ZFHX3: variants seen among roughly 807,000 people sequenced by gnomAD.
The protein encoded by ZFHX3 is zinc finger homeobox protein 3.
A neutral mutation model predicts 279.1 loss-of-function variants in ZFHX3; 42 were observed. The observed-to-expected ratio is 0.15, with a 90% CI of 0.12 to 0.19. The LOEUF is 0.19. Ranked by LOEUF, ZFHX3 falls within the 10% of genes least tolerant of loss-of-function variation. The probability of loss-of-function intolerance (pLI) is 1.00; values close to 1 mark genes in which losing one functional copy is unlikely to be tolerated. For synonymous variants in ZFHX3, 2,293 were observed against 1,957.8 expected, an observed-to-expected ratio of 1.17 and a Z score of -4.52; for missense variants, 4,981 against 4,754.0, an observed-to-expected ratio of 1.05 and a Z score of -1.40.
intron 4 of ZFHX3, among the ~76,000 whole-genome samples, chr16:72,845,261 A>C (rs1597302796): frequency 6.6e-6 from 1 of 150,590 alleles, no homozygotes; most frequent in African/African-American, 2.4e-5. Context: ...AAACACTGGA[A>C]CCCCCTCCCC....
chr16:73,148,008 C>G (rs1189645082), intron 5 of ZFHX3, among the ~76,000 whole-genome samples: 2 of 152,248 alleles, frequency 1.3e-5, no homozygotes, highest in African/African-American at 4.8e-5. Context: ...GCAAACTCTA[C>G]TTGACCACAG....
intron 5 of ZFHX3, among the ~76,000 whole-genome samples, chr16:73,146,086 T>G (rs1966861553): frequency 1.3e-5 from 2 of 152,116 alleles, no homozygotes; most frequent in African/African-American, 4.8e-5. Flanking sequence ...CAAGATAGTA[T>G]GAATTTAAGA....
chr16:73,871,287 T>A (rs1296072670), intron 1 of ZFHX3, among the ~76,000 whole-genome samples: 1 of 152,182 alleles, frequency 6.6e-6, no homozygotes, highest in Non-Finnish European at 1.5e-5. Context: ...AAAGCTGTCA[T>A]CCACACTGAA....
chr16:73,019,016 C>T (rs1419647492), intron 1 of ZFHX3, among the ~76,000 whole-genome samples: 1 of 152,210 alleles, frequency 6.6e-6, no homozygotes, highest in Non-Finnish European at 1.5e-5. Context: ...TGTCACATCC[C>T]TCGATGCATC....
intron 2 of ZFHX3, among the ~76,000 whole-genome samples, chr16:73,582,923 G>A (rs1470611682): frequency 6.7e-6 from 1 of 149,654 alleles, no homozygotes; most frequent in African/African-American, 2.6e-5. Flanking sequence ...TAACAACCTT[G>A]TGAAGCTCTG....
At chr16:72,899,398 G>A (rs987723079) in intron 3 of ZFHX3, among the ~76,000 whole-genome samples, 1 of 152,152 alleles carries the variant, frequency 6.6e-6, no homozygotes, top group Non-Finnish European at 1.5e-5. Context: ...ATGTGAAAAA[G>A]GACATGTTTG....
chr16:72,889,487 TAA>T (rs372928371), intron 4 of ZFHX3, among the ~76,000 whole-genome samples: 19,337 of 115,672 alleles, frequency 0.17, 1,706 homozygotes, highest in Non-Finnish European at 0.24. Context: ...CAATTTCCTT[TAA>T]AAAAAAAAAA....
intron 1 of ZFHX3, among the ~76,000 whole-genome samples, chr16:73,747,586 A>G (rs975014786): frequency 8.5e-5 from 13 of 152,110 alleles, no homozygotes; most frequent in African/African-American, 3.1e-4. Context: ...TGGATTTAAC[A>G]ACAACAACAA....
upstream of ZFHX3, among the ~76,000 whole-genome samples, chr16:73,048,709 G>T (rs1369041882): frequency 6.6e-6 from 1 of 152,234 alleles, no homozygotes; most frequent in Non-Finnish European, 1.5e-5. Context: ...AGCCAATGTG[G>T]ACAGGAATTT....
chr16:73,395,810 G>A (rs185801608), intron 3 of ZFHX3, among the ~76,000 whole-genome samples: 2 of 152,012 alleles, frequency 1.3e-5, no homozygotes, highest in Non-Finnish European at 2.9e-5. Flanking sequence ...CCCAGGGATG[G>A]TATACAAGTC....
intron 3 of ZFHX3, among the ~76,000 whole-genome samples, chr16:72,926,770 C>T (rs531606434): frequency 1.3e-3 from 196 of 152,320 alleles, no homozygotes; most frequent in African/African-American, 4.4e-3. Flanking sequence ...GCCTCTCCTA[C>T]ACAAAGCAGA....
intron 5 of ZFHX3, among the ~76,000 whole-genome samples, chr16:73,198,985 A>G (rs112115825): frequency 5.3e-5 from 8 of 152,364 alleles, no homozygotes; most frequent in African/African-American, 1.9e-4. Flanking sequence ...ACAGATTCAA[A>G]TGTGAGCTCG....
intron 8 of ZFHX3, among the ~76,000 whole-genome samples, chr16:73,087,832 T>C (rs536546105): frequency 6.7e-6 from 1 of 149,742 alleles, no homozygotes; most frequent in African/African-American, 2.4e-5. Context: ...TTCTCTCTCT[T>C]TTTTTTTTTT....
chr16:73,478,414 T>C (rs1009687221), intron 2 of ZFHX3, among the ~76,000 whole-genome samples: 3 of 152,162 alleles, frequency 2.0e-5, no homozygotes, highest in Admixed American at 6.5e-5. Flanking sequence ...TTTATTTTAA[T>C]GCAGTAATAA....
chr16:73,698,978 G>A (rs905268723), intron 1 of ZFHX3, among the ~76,000 whole-genome samples: 7 of 152,132 alleles, frequency 4.6e-5, no homozygotes, highest in East Asian at 1.9e-4. Context: ...TCCACCTCCC[G>A]GGTTCAAGCA....
chr16:73,356,570 GGAGTCCCAGCTCC>G (rs998506971), intron 3 of ZFHX3, among the ~76,000 whole-genome samples: 6 of 152,052 alleles, frequency 3.9e-5, no homozygotes, highest in African/African-American at 9.6e-5. Flanking sequence ...TCATCCAGTG[GGAGTCCCAGCTCC>G]GACACTTACA....
At chr16:73,808,167 G>T (rs1230583070) in intron 1 of ZFHX3, among the ~76,000 whole-genome samples, 1 of 135,124 alleles carries the variant, frequency 7.4e-6, no homozygotes, top group Non-Finnish European at 1.5e-5. Context: ...ATGAAGACTT[G>T]GGAAGAAAAA....
chr16:73,084,175 A>T (rs1250341890), intron 8 of ZFHX3, among the ~76,000 whole-genome samples: 3 of 152,242 alleles, frequency 2.0e-5, no homozygotes, highest in African/African-American at 7.2e-5. Flanking sequence ...AGCCTTTAAG[A>T]TCTAGAACAA....
chr16:72,951,400 ACAGGCAC>A (rs1210299052), intron 2 of ZFHX3, among the ~76,000 whole-genome samples: 1 of 152,008 alleles, frequency 6.6e-6, no homozygotes, highest in Non-Finnish European at 1.5e-5. Flanking sequence ...AGCTGGGATT[ACAGGCAC>A]CCACCACCAC....
Sources: allele counts gnomAD v4.1 joint callset (sites outside exome capture counted in the v4.1 genomes callset), GRCh38; gene constraint gnomAD v4.1.1; transcripts MANE v1.5; gene names NCBI Gene and HGNC (gene_info 2026-07-23, HGNC 2026-07-21).